Variants in IQCM observed in about 807,000 individuals in gnomAD.
IQCM encodes the protein IQ motif containing M.
In IQCM, 45 loss-of-function variants were observed where a neutral mutation model predicts 57.6. The ratio of observed to expected loss-of-function variants is 0.78; its 90% confidence interval spans 0.62 to 1.00. IQCM has a LOEUF of 1.00. IQCM is among the 50% of genes least tolerant of loss of function. IQCM has a pLI of 0.00. For synonymous variants in IQCM, 148 were observed against 158.9 expected (o/e 0.93, Z 0.51); for missense variants, 468 against 511.6 (o/e 0.91, Z 0.82).
chr4:149,625,468 T>C (rs1313165072), intron 7 of IQCM, among the ~76,000 whole-genome samples: 1 of 152,208 alleles, frequency 6.6e-6, no homozygotes, highest in Non-Finnish European at 1.5e-5. Context: ...TATCAAAGTT[T>C]TGTGTAACAT....
chr4:149,381,142 A>G (rs531373716), intron 13 of IQCM, among the ~76,000 whole-genome samples: 2 of 152,140 alleles, frequency 1.3e-5, no homozygotes, highest in East Asian at 3.9e-4. Flanking sequence ...ACTGTATCCA[A>G]CCCCATAGCA....
At position 149,643,697 on chromosome 4, in the gene IQCM, A is replaced by G. The variant is rs115094646; in HGVS notation, c.566-22453T>C. 6.0e-3 allele frequency among the ~76,000 whole-genome samples: 907 copies of G among 152,284 alleles called. 12 individuals carry two copies. The highest frequency in any genetic ancestry group is 0.021 in the African/African-American group (872 of 41,566). On this transcript the variant is annotated intron_variant, in intron 7 of 13. Transcript: ENST00000636793. ...CCCAGTCAAAACCCAGAAGTTGCCA[A>G]TGGTATCCAGAGAGGCTTGTCAGTC...
intron 5 of IQCM, among the ~76,000 whole-genome samples, chr4:149,689,376 A>G (rs1192940112): frequency 2.0e-5 from 3 of 151,982 alleles, no homozygotes; most frequent in Non-Finnish European, 4.4e-5. Flanking sequence ...ACATGGACAC[A>G]GAGAGGGGAA....
Position 149,433,516 on chromosome 4 carries a change from C to G in IQCM, c.1270G>C (p.Ala424Pro). 3.3e-6 allele frequency: 4 copies of G among 1,195,458 alleles called. No individual in the cohort carries two copies. Among genetic ancestry groups the G allele is most frequent in the Non-Finnish European group, 4.2e-6 (4 of 955,042 alleles). 74.1% of individuals were successfully genotyped at this position (1,195,458 alleles called of 1,614,324 possible). The change falls in exon 13 of 14, where the codon GCA becomes CCA. Residue 424 changes from alanine to proline, a missense_variant. Ala to Pro is a conservative substitution (Grantham distance 27). Transcript: ENST00000636793. ...TAGAGTGTAAATAACATTTCAATTGCTTTGGACTTTTTGATTAGTTCAGAA... is the reference window on the plus strand; with the variant it reads ...TAGAGTGTAAATAACATTTCAATTGGTTTGGACTTTTTGATTAGTTCAGAA... ...KYSELIKKSK[A>P]IEMLFTLYPP...
At chr4:149,370,436 T>C (rs1488147981) in intron 13 of IQCM, among the ~76,000 whole-genome samples, 3 of 152,116 alleles carry the variant, frequency 2.0e-5, no homozygotes, top group African/African-American at 7.2e-5. Flanking sequence ...AAACTTTAGC[T>C]GTTATTATTC....
At chr4:149,716,760 A>G (rs954975945) in intron 5 of IQCM, among the ~76,000 whole-genome samples, 1 of 152,138 alleles carries the variant, frequency 6.6e-6, no homozygotes, top group African/African-American at 2.4e-5. Context: ...AACCCCATCC[A>G]CAGTACATAA....
intron 12 of IQCM, among the ~76,000 whole-genome samples, chr4:149,457,881 A>G (rs1263840869): frequency 1.3e-5 from 2 of 152,054 alleles, no homozygotes; most frequent in Non-Finnish European, 2.9e-5. Flanking sequence ...TTGACTTGTT[A>G]CTTTCTTTTC....
chr4:149,387,834 C>A (rs1027946160), intron 13 of IQCM, among the ~76,000 whole-genome samples: 2 of 151,820 alleles, frequency 1.3e-5, no homozygotes, highest in African/African-American at 4.8e-5. Flanking sequence ...CATTAACAGT[C>A]ACCCCCTACT....
intron 12 of IQCM, among the ~76,000 whole-genome samples, chr4:149,438,255 A>G (rs576817338): frequency 6.6e-6 from 1 of 152,232 alleles, no homozygotes; most frequent in East Asian, 1.9e-4. Flanking sequence ...AATACAGGCT[A>G]AAAACAATGG....
intron 8 of IQCM, among the ~76,000 whole-genome samples, chr4:149,596,495 T>C (rs987349077): frequency 3.3e-5 from 5 of 152,034 alleles, no homozygotes; most frequent in Non-Finnish European, 5.9e-5. Flanking sequence ...GAGGTAAACA[T>C]TGGAACCCAG....
intron 2 of IQCM, among the ~76,000 whole-genome samples, chr4:149,804,153 G>C (rs1463380897): frequency 6.6e-6 from 1 of 151,960 alleles, no homozygotes; most frequent in East Asian, 1.9e-4. Flanking sequence ...AGTTTTCCTT[G>C]AGGGCAGGTC....
At chr4:149,800,683 A>G (rs528083730) in intron 2 of IQCM, among the ~76,000 whole-genome samples, 105 of 152,134 alleles carry the variant, frequency 6.9e-4, no homozygotes, top group Middle Eastern at 3.4e-3. Flanking sequence ...AAGTAGTAGC[A>G]TTTCTATATG....
At chr4:149,786,569 CAT>C (rs1269072199) in intron 2 of IQCM, among the ~76,000 whole-genome samples, 1 of 152,056 alleles carries the variant, frequency 6.6e-6, no homozygotes, top group Non-Finnish European at 1.5e-5. Flanking sequence ...AGCCAACAAA[CAT>C]ATGAAAAAAG....
intron 12 of IQCM, among the ~76,000 whole-genome samples, chr4:149,497,986 A>C (rs1200374140): frequency 6.6e-6 from 1 of 152,124 alleles, no homozygotes; most frequent in Non-Finnish European, 1.5e-5. Flanking sequence ...CATAGATGTG[A>C]TAAAACACCA....
At chr4:149,558,638 T>A (rs1025446542) in intron 10 of IQCM, among the ~76,000 whole-genome samples, 1 of 152,128 alleles carries the variant, frequency 6.6e-6, no homozygotes, top group Non-Finnish European at 1.5e-5. Context: ...CAGGTTAGTA[T>A]GGGGCAGCTT....
chr4:149,622,349 AT>A (rs897684407), intron 7 of IQCM, among the ~76,000 whole-genome samples: 8 of 146,854 alleles, frequency 5.4e-5, no homozygotes, highest in Admixed American at 1.4e-4. Context: ...ATTCTTTTTT[AT>A]TTTTTTTTTG....
intron 13 of IQCM, among the ~76,000 whole-genome samples, chr4:149,423,745 A>G (rs1245451900): frequency 3.3e-5 from 5 of 151,890 alleles, no homozygotes; most frequent in Non-Finnish European, 2.9e-5. Flanking sequence ...TGTTTTATTT[A>G]CCTTTGAATC....
intron 9 of IQCM, among the ~76,000 whole-genome samples, chr4:149,570,334 C>T (rs1406357820): frequency 6.6e-6 from 1 of 151,992 alleles, no homozygotes; most frequent in Non-Finnish European, 1.5e-5. Context: ...AGTATGGTGG[C>T]TCCTATTAAG....
intron 10 of IQCM, among the ~76,000 whole-genome samples, chr4:149,553,806 C>T (rs1228421730): frequency 6.6e-6 from 1 of 152,120 alleles, no homozygotes; most frequent in Non-Finnish European, 1.5e-5. Flanking sequence ...TAACCCTTTT[C>T]AGCGTATGTG....
Sources: allele counts gnomAD v4.1 joint callset (sites outside exome capture counted in the v4.1 genomes callset), GRCh38; gene constraint gnomAD v4.1.1; transcripts MANE v1.5; gene names NCBI Gene and HGNC (gene_info 2026-07-23, HGNC 2026-07-21).